Variants in TBC1D32 observed in about 807,000 individuals in gnomAD.
The protein encoded by TBC1D32 is protein broad-minded.
Under a neutral mutation model 170.3 loss-of-function variants are expected in TBC1D32, and 151 were observed. The observed-to-expected ratio is 0.89, with a 90% CI of 0.78 to 1.01. The LOEUF is 1.01. Among genes scored for constraint, TBC1D32 ranks in the 50% least tolerant of loss-of-function variants. TBC1D32 has a pLI of 0.00. For missense variants in TBC1D32, 1,464 were observed against 1,457.1 expected (o/e 1.00, Z -0.08); for synonymous variants, 498 against 488.0 (o/e 1.02, Z -0.27).
At chr6:121,160,144 A>T (rs1424169521) in intron 23 of TBC1D32, 41 bp from the exon 24 acceptor site, 3 of 1,228,206 alleles carry the variant, frequency 2.4e-6, no homozygotes, top group Non-Finnish European at 3.5e-6. Context: ...GAAGTGGTCT[A>T]AAATAATATT....
At chr6:121,333,425 C>T (rs945476294) in intron 1 of TBC1D32, among the ~76,000 whole-genome samples, 1 of 152,164 alleles carries the variant, frequency 6.6e-6, no homozygotes, top group South Asian at 2.1e-4. Flanking sequence ...CCTTCTCTGT[C>T]TCTTATATTT....
At chr6:121,276,956 T>C (rs553217019) in intron 15 of TBC1D32, among the ~76,000 whole-genome samples, 507 of 152,288 alleles carry the variant, frequency 3.3e-3, no homozygotes, top group Non-Finnish European at 5.5e-3. Flanking sequence ...TTCACTAATA[T>C]AGCTGGAGCT....
intron 1 of TBC1D32, among the ~76,000 whole-genome samples, chr6:121,332,585 AC>A (rs1268953233): frequency 2.0e-5 from 3 of 152,186 alleles, no homozygotes; most frequent in African/African-American, 7.2e-5. Context: ...GCAAAAACTT[AC>A]TCAGTAATTT....
intron 22 of TBC1D32, among the ~76,000 whole-genome samples, chr6:121,202,324 G>C (rs1397059217): frequency 1.4e-5 from 2 of 142,860 alleles, no homozygotes; most frequent in South Asian, 2.3e-4. Context: ...GCAGCAATAA[G>C]AGTGTGTGAT....
intron 15 of TBC1D32, among the ~76,000 whole-genome samples, chr6:121,273,474 A>C (rs2128430203): frequency 6.7e-6 from 1 of 148,900 alleles, no homozygotes. Context: ...GGAACATCAC[A>C]CACCGGGGCC....
chr6:121,268,887 A>C (rs1443735319), intron 15 of TBC1D32, among the ~76,000 whole-genome samples: 1 of 152,182 alleles, frequency 6.6e-6, no homozygotes, highest in Non-Finnish European at 1.5e-5. Flanking sequence ...TCACAAAGAG[A>C]AGCCCATCAG....
chr6:121,253,582 G>C (rs925658856), intron 17 of TBC1D32, among the ~76,000 whole-genome samples: 1 of 152,090 alleles, frequency 6.6e-6, no homozygotes, highest in Non-Finnish European at 1.5e-5. Flanking sequence ...AGCCGGGCGT[G>C]GTGGTGGGCG....
chr6:121,102,715 C>T (rs1439405723), intron 30 of TBC1D32, among the ~76,000 whole-genome samples: 1 of 152,092 alleles, frequency 6.6e-6, no homozygotes, highest in Non-Finnish European at 1.5e-5. Flanking sequence ...AAAGCAATGG[C>T]AACAAAAGCC....
chr6:121,095,611 A>G (rs939599838), intron 30 of TBC1D32, among the ~76,000 whole-genome samples: 19 of 152,128 alleles, frequency 1.2e-4, no homozygotes, highest in Non-Finnish European at 1.9e-4. Context: ...CGTTCCATCA[A>G]TACCTAGTTT....
intron 17 of TBC1D32, among the ~76,000 whole-genome samples, chr6:121,250,815 A>C (rs1037424201): frequency 1.3e-5 from 2 of 152,170 alleles, no homozygotes; most frequent in Non-Finnish European, 2.9e-5. Flanking sequence ...AGATGACATG[A>C]TTATATATTT....
At chr6:121,133,892 CAA>C (rs1781722963) in intron 24 of TBC1D32, among the ~76,000 whole-genome samples, 1 of 150,698 alleles carries the variant, frequency 6.6e-6, no homozygotes. Context: ...AGCATTAAAT[CAA>C]AAGAGAAAAT....
chr6:121,106,770 G>C (rs1778728534), intron 29 of TBC1D32, among the ~76,000 whole-genome samples: 1 of 151,834 alleles, frequency 6.6e-6, no homozygotes, highest in Admixed American at 6.6e-5. Flanking sequence ...CAACTATTTT[G>C]TATAAAATTT....
chr6:121,257,942 T>C (rs1226512932), intron 15 of TBC1D32, among the ~76,000 whole-genome samples: 1 of 152,116 alleles, frequency 6.6e-6, no homozygotes, highest in Non-Finnish European at 1.5e-5. Flanking sequence ...CTCCTGTCTC[T>C]TCTTAGAACA....
At chr6:121,321,038 C>T (rs1472611582) in intron 2 of TBC1D32, among the ~76,000 whole-genome samples, 2 of 152,126 alleles carry the variant, frequency 1.3e-5, no homozygotes, top group East Asian at 1.9e-4. Flanking sequence ...ATAATTATTC[C>T]AGTTAAATAA....
intron 12 of TBC1D32, among the ~76,000 whole-genome samples, chr6:121,285,738 C>G (rs539247110): frequency 6.4e-4 from 98 of 152,282 alleles, no homozygotes; most frequent in South Asian, 4.1e-4. Flanking sequence ...AGGCACCCCC[C>G]AGTAGGGGCA....
Position 121,113,049 on chromosome 6 carries a change from T to A in TBC1D32, c.3169+13A>T. On this transcript the variant is annotated intron_variant, in intron 28 of 31. Coordinates refer to ENST00000398212, the MANE Select transcript of TBC1D32 (RefSeq NM_152730.6). Reference sequence around the variant, plus strand: ...AAAAATTAAGCTATTGTGAATATACTCAAAAAGGATATGAAGAGAAGATTT... The same window carrying A: ...AAAAATTAAGCTATTGTGAATATACACAAAAAGGATATGAAGAGAAGATTT... 6.3e-7 allele frequency: 1 copy of A among 1,580,652 alleles called. No homozygotes were observed.
intron 29 of TBC1D32, chr6:121,112,298 C>A (rs1175889496): frequency 5.7e-6 from 2 of 348,798 alleles, no homozygotes; most frequent in African/African-American, 2.1e-5. Context: ...TAATATAAAT[C>A]ATTCAGTTAC....
chr6:121,161,299 A>C (rs1486489936), intron 22 of TBC1D32, among the ~76,000 whole-genome samples: 1 of 152,062 alleles, frequency 6.6e-6, no homozygotes, highest in African/African-American at 2.4e-5. Context: ...CCCATCACCC[A>C]GGTATTAAGC....
chr6:121,275,184 A>G (rs1802050027), intron 15 of TBC1D32, among the ~76,000 whole-genome samples: 1 of 152,144 alleles, frequency 6.6e-6, no homozygotes, highest in Non-Finnish European at 1.5e-5. Flanking sequence ...CAGGCAAGAG[A>G]GATAAATTGT....
Sources: allele counts gnomAD v4.1 joint callset (sites outside exome capture counted in the v4.1 genomes callset), GRCh38; gene constraint gnomAD v4.1.1; transcripts MANE v1.5; gene names NCBI Gene and HGNC (gene_info 2026-07-23, HGNC 2026-07-21).